The following MACROD1 variants were observed in gnomAD, a reference collection of about 807,000 sequenced individuals.
MACROD1 encodes mono-ADP ribosylhydrolase 1.
MACROD1 carries 31 observed loss-of-function variants against 41.4 expected under a neutral mutation model. The observed-to-expected ratio is 0.75, with a 90% CI of 0.56 to 1.01. MACROD1 has a LOEUF of 1.01. Ranked by LOEUF, MACROD1 falls within the 50% of genes least tolerant of loss-of-function variation. The probability of loss-of-function intolerance (pLI) is 0.00; values close to 1 mark genes in which losing one functional copy is unlikely to be tolerated. For synonymous variants in MACROD1, 252 were observed against 203.4 expected (o/e 1.24, Z -2.03); for missense variants, 473 against 460.0 (o/e 1.03, Z -0.26).
At chr11:64,160,814 T>TA (rs34275911) in intron 1 of MACROD1, among the ~76,000 whole-genome samples, 34,580 of 110,774 alleles carry the variant, frequency 0.31, 5,300 homozygotes, top group Admixed American at 0.39. Flanking sequence ...AGACCATATC[T>TA]AAAAAAAAAA....
chr11:63,999,847 G>C, intron 5 of MACROD1, 84 bp from the exon 6 acceptor site: 2 of 1,444,296 alleles, frequency 1.4e-6, no homozygotes, highest in South Asian at 1.3e-5. Context: ...TGGGCAGAAG[G>C]GGGCAGGAAA....
chr11:64,097,776 A>T (rs1042284956), intron 3 of MACROD1, among the ~76,000 whole-genome samples: 1 of 152,154 alleles, frequency 6.6e-6, no homozygotes, highest in African/African-American at 2.4e-5. Context: ...CCCATCTCAC[A>T]GGGCAGAAGG....
intron 3 of MACROD1, among the ~76,000 whole-genome samples, chr11:64,065,866 C>A (rs1490312314): frequency 4.0e-5 from 6 of 151,606 alleles, no homozygotes; most frequent in Non-Finnish European, 7.4e-5. Flanking sequence ...TGGGAGATCG[C>A]AACAACCATT....
At chr11:64,149,298 TG>T (rs1565260261) in intron 3 of MACROD1, among the ~76,000 whole-genome samples, 1 of 151,904 alleles carries the variant, frequency 6.6e-6, no homozygotes, top group East Asian at 1.9e-4. Flanking sequence ...ACCTGACGGG[TG>T]GTTTCTTCAC....
chr11:64,051,217 C>A (rs1255153235), intron 3 of MACROD1, among the ~76,000 whole-genome samples: 1 of 152,242 alleles, frequency 6.6e-6, no homozygotes, highest in Non-Finnish European at 1.5e-5. Context: ...GGTGCCAAGA[C>A]AGGATGATGT....
chr11:64,104,904 G>A (rs746600245), intron 3 of MACROD1, among the ~76,000 whole-genome samples: 8 of 152,296 alleles, frequency 5.3e-5, no homozygotes, highest in East Asian at 1.9e-4. Flanking sequence ...AGGCTGCACC[G>A]CCAAAAACAC....
At chr11:64,014,968 A>G (rs1943060852) in intron 4 of MACROD1, among the ~76,000 whole-genome samples, 1 of 152,202 alleles carries the variant, frequency 6.6e-6, no homozygotes, top group South Asian at 2.1e-4. Context: ...CAGGGAGATC[A>G]AGGTCAGGGC....
chr11:64,007,855 C>T (rs769522635), intron 4 of MACROD1, among the ~76,000 whole-genome samples: 38 of 152,346 alleles, frequency 2.5e-4, no homozygotes, highest in Non-Finnish European at 5.1e-4. Flanking sequence ...TGAGCTCAGC[C>T]CTGCTGGGGA....
At chr11:64,055,489 G>A (rs1431085236) in intron 3 of MACROD1, among the ~76,000 whole-genome samples, 1 of 152,114 alleles carries the variant, frequency 6.6e-6, no homozygotes, top group East Asian at 1.9e-4. Context: ...CCCATCCTAA[G>A]TGGCTCCCCT....
At chr11:64,041,889 G>T (rs576225278) in intron 3 of MACROD1, among the ~76,000 whole-genome samples, 4 of 152,310 alleles carry the variant, frequency 2.6e-5, no homozygotes, top group Non-Finnish European at 5.9e-5. Flanking sequence ...AGGGTGCCCC[G>T]CCCAGTTAAA....
In MACROD1 at chr11:64,151,353, C is replaced by A. The variant is rs1281884156; in HGVS notation, c.403G>T (p.Val135Leu). 3 of 1,612,238 alleles carry A rather than the reference C, an allele frequency of 1.9e-6. No homozygotes were observed. Among genetic ancestry groups the A allele is most frequent in the Non-Finnish European group, 2.5e-6 (3 of 1,178,974 alleles). ...IPTWKEMAKG[V>L]AVKVEEPRYK... ...CTGGGCTCCTCCACCTTCACAGCCA[C>A]CCCTGGAACAAGTAGGGGCCGGGGA... Residue 135 changes from valine to leucine, a missense_variant and splice_region_variant, in exon 3 of 11, where the codon GTG (valine) becomes TTG (leucine). Physicochemically the swap from Val to Leu is conservative, Grantham distance 32 (BLOSUM62 1). Transcript: ENST00000255681.
At chr11:64,119,546 C>T (rs547021056) in intron 3 of MACROD1, among the ~76,000 whole-genome samples, 4 of 151,830 alleles carry the variant, frequency 2.6e-5, no homozygotes, top group African/African-American at 7.3e-5. Flanking sequence ...GCTGATTAGA[C>T]CTATTGGTTT....
intron 3 of MACROD1, among the ~76,000 whole-genome samples, chr11:64,061,157 T>A (rs1167428942): frequency 6.6e-6 from 1 of 152,232 alleles, no homozygotes; most frequent in Non-Finnish European, 1.5e-5. Flanking sequence ...TAGGCTAGGC[T>A]GAGTCTTGTA....
intron 2 of MACROD1, 58 bp downstream of exon 2, chr11:64,152,234 T>C: frequency 6.7e-7 from 1 of 1,483,232 alleles, no homozygotes; most frequent in Non-Finnish European, 9.4e-7. Flanking sequence ...TCTGCACAAT[T>C]CTCCCAAGCC....
At chr11:64,114,508 AATGGATGGATGG>A (rs1262899663) in intron 3 of MACROD1, among the ~76,000 whole-genome samples, 1 of 104,908 alleles carries the variant, frequency 9.5e-6, no homozygotes, top group Non-Finnish European at 2.0e-5. Context: ...TGGATGGATG[AATGGATGGATGG>A]ATGGACAGGT....
chr11:64,136,067 G>A (rs1417327814), intron 3 of MACROD1, among the ~76,000 whole-genome samples: 1 of 152,210 alleles, frequency 6.6e-6, no homozygotes, highest in African/African-American at 2.4e-5. Flanking sequence ...GCCCTCTGGG[G>A]AACAGAAAGG....
At chr11:64,117,245 G>C (rs762388485) in intron 3 of MACROD1, 3 of 1,614,186 alleles carry the variant, frequency 1.9e-6, no homozygotes, top group East Asian at 4.5e-5. Context: ...TGCTGCTCAG[G>C]AACAACCCTT....
intron 3 of MACROD1, among the ~76,000 whole-genome samples, chr11:64,102,388 G>A (rs1164279342): frequency 7.2e-5 from 11 of 152,136 alleles, no homozygotes; most frequent in African/African-American, 2.4e-4. Context: ...AAGTGGGGTG[G>A]GCACCAGACA....
chr11:64,135,360 T>C (rs951872897), intron 3 of MACROD1, among the ~76,000 whole-genome samples: 7 of 152,176 alleles, frequency 4.6e-5, no homozygotes, highest in African/African-American at 1.4e-4. Context: ...CAACGGTCCC[T>C]AAAGAGCAAC....
Sources: gnomAD v4.1 joint callset for allele counts (sites outside exome capture counted in the v4.1 genomes callset) on GRCh38, gnomAD v4.1.1 for gene constraint, MANE v1.5 for transcripts, NCBI Gene and HGNC (gene_info 2026-07-23, HGNC 2026-07-21) for gene names.